The following CUBN variants were observed in gnomAD, a reference collection of about 807,000 sequenced individuals.
CUBN encodes the protein 460 kDa receptor.
Under a neutral mutation model 405.3 loss-of-function variants are expected in CUBN, and 282 were observed. The ratio of observed to expected loss-of-function variants is 0.70; its 90% confidence interval spans 0.63 to 0.77. The LOEUF is 0.77. CUBN is among the 30% of genes least tolerant of loss of function. The probability of loss-of-function intolerance (pLI) is 0.00; values close to 1 mark genes in which losing one functional copy is unlikely to be tolerated. For synonymous variants in CUBN, 1,684 were observed against 1,617.0 expected (o/e 1.04, Z -0.99); for missense variants, 4,514 against 4,475.2 (o/e 1.01, Z -0.25).
At chr10:16,843,987 C>G (rs1476164007) in intron 60 of CUBN, among the ~76,000 whole-genome samples, 1 of 152,054 alleles carries the variant, frequency 6.6e-6, no homozygotes, top group African/African-American at 2.4e-5. Context: ...CCTTCCAGAC[C>G]TGCGGGGCGT....
chr10:17,075,162 C>T (rs531826243), intron 17 of CUBN, among the ~76,000 whole-genome samples: 2 of 139,482 alleles, frequency 1.4e-5, no homozygotes, highest in East Asian at 2.1e-4. Context: ...CGGATCACTG[C>T]AACCTCCGCC....
intron 25 of CUBN, among the ~76,000 whole-genome samples, chr10:17,044,220 AT>A (rs1835074451): frequency 6.8e-6 from 1 of 146,742 alleles, no homozygotes; most frequent in Admixed American, 6.8e-5. Context: ...ATATGTTTAT[AT>A]TTGCATTAAA....
chr10:17,007,619 C>G (rs12266009), intron 28 of CUBN, among the ~76,000 whole-genome samples: 2,298 of 151,830 alleles, frequency 0.015, 53 homozygotes, highest in African/African-American at 0.053. Context: ...AGAAAAGAGT[C>G]CAGTGGGGAG....
chr10:17,089,516 C>T (rs1836205043), intron 14 of CUBN, among the ~76,000 whole-genome samples: 1 of 152,140 alleles, frequency 6.6e-6, no homozygotes, highest in Non-Finnish European at 1.5e-5. Context: ...TCACTCATCA[C>T]AAAGAAGGAG....
chr10:16,909,733 C>T (rs1421379946), intron 48 of CUBN, among the ~76,000 whole-genome samples: 2 of 152,246 alleles, frequency 1.3e-5, no homozygotes, highest in South Asian at 2.1e-4. Flanking sequence ...ATGCAATTCC[C>T]ATCATTGTCC....
At position 17,065,668 on chromosome 10, in the gene CUBN, T is replaced by C. The variant is rs1835599060; in HGVS notation, c.3009-30A>G. The C allele has an allele frequency of 2.5e-6, 4 of 1,612,286 alleles. 1 individual carries two copies. In the African/African-American group the frequency reaches 4.0e-5, roughly 16 times the overall value. On this transcript the variant is annotated intron_variant, in intron 21 of 66. Coordinates refer to ENST00000377833, the MANE Select transcript of CUBN (RefSeq NM_001081.4). ...TCCAAACCAAGAAAGGACAGATGTG[T>C]GTATTTTAGTTTGGTATACTGAAAA...
intron 59 of CUBN, among the ~76,000 whole-genome samples, chr10:16,858,032 C>A (rs770284401): frequency 1.9e-4 from 28 of 151,342 alleles, no homozygotes; most frequent in Non-Finnish European, 3.4e-4. Context: ...CATGTGGAGA[C>A]CAAAATTAAA....
intron 58 of CUBN, among the ~76,000 whole-genome samples, chr10:16,873,162 A>C (rs1158693201): frequency 6.6e-6 from 1 of 152,166 alleles, no homozygotes; most frequent in Non-Finnish European, 1.5e-5. Flanking sequence ...TTCTGTATGG[A>C]AAGTCCTACA....
rs141473486 is a variant in CUBN, at chr10:16,973,592, G to A, written c.4695+8892C>T. Among the ~76,000 whole-genome samples, 347 of 146,590 alleles carry A rather than the reference G, an allele frequency of 2.4e-3. 3 individuals carry two copies. The highest frequency in any genetic ancestry group is 7.9e-3 in the African/African-American group (318 of 40,110). Reference sequence around the variant, plus strand: ...GTGTACAGTCTATTTTGTCACCCAGGTAATGAGCAAAGAACGTGATGGGTG... The same window carrying A: ...GTGTACAGTCTATTTTGTCACCCAGATAATGAGCAAAGAACGTGATGGGTG... On this transcript the variant is annotated intron_variant, in intron 31 of 66. Transcript: ENST00000377833.
At chr10:17,076,702 A>G (rs1285632835) in intron 17 of CUBN, among the ~76,000 whole-genome samples, 1 of 152,156 alleles carries the variant, frequency 6.6e-6, no homozygotes, top group Non-Finnish European at 1.5e-5. Flanking sequence ...AGTGTGAGCA[A>G]AAGTGATACA....
intron 33 of CUBN, among the ~76,000 whole-genome samples, chr10:16,950,925 C>A (rs979371420): frequency 2.0e-5 from 3 of 152,188 alleles, no homozygotes; most frequent in African/African-American, 7.2e-5. Context: ...CTGGAGCCCA[C>A]ATTTTAGCTC....
intron 59 of CUBN, among the ~76,000 whole-genome samples, chr10:16,854,038 G>A (rs1264622630): frequency 1.3e-5 from 2 of 152,212 alleles, no homozygotes; most frequent in Non-Finnish European, 2.9e-5. Context: ...TTCAGTAAAA[G>A]AGGCAGAAAC....
chr10:17,103,570 T>C (rs1016087165), intron 12 of CUBN, among the ~76,000 whole-genome samples: 1 of 152,204 alleles, frequency 6.6e-6, no homozygotes, highest in African/African-American at 2.4e-5. Context: ...TGTTCTCCCA[T>C]TGGGGTTGGT....
intron 31 of CUBN, among the ~76,000 whole-genome samples, chr10:16,968,685 G>A (rs1272972055): frequency 2.0e-5 from 3 of 152,248 alleles, no homozygotes; most frequent in Non-Finnish European, 4.4e-5. Flanking sequence ...AGAGCTTGCA[G>A]AGCTACATGA....
intron 50 of CUBN, among the ~76,000 whole-genome samples, chr10:16,905,504 C>T (rs1435859718): frequency 1.3e-5 from 2 of 152,146 alleles, no homozygotes; most frequent in Non-Finnish European, 2.9e-5. Context: ...AGGAGAATTT[C>T]ACAGCCCCTT....
At chr10:17,013,144 G>GT in intron 28 of CUBN, among the ~76,000 whole-genome samples, 1 of 152,104 alleles carries the variant, frequency 6.6e-6, no homozygotes, top group Non-Finnish European at 1.5e-5. Context: ...AGGGTACACT[G>GT]TTTTTTCTTT....
chr10:16,825,628 A>AGTGTGTGTGTGTGTGTGT (rs377156071), intron 66 of CUBN, among the ~76,000 whole-genome samples: 21 of 136,010 alleles, frequency 1.5e-4, no homozygotes, highest in African/African-American at 5.0e-4. Context: ...TCTGTGGAAC[A>AGTGTGTGTGTGTGTGTGT]GTGTGTGTGT....
chr10:16,907,426 G>T, intron 49 of CUBN, 82 bp downstream of exon 49: 1 of 1,376,124 alleles, frequency 7.3e-7, no homozygotes, highest in Non-Finnish European at 1.0e-6. Context: ...AAAATGGATG[G>T]CTCTGCTGCC....
chr10:17,128,574 G>T (rs1190206767), intron 2 of CUBN, among the ~76,000 whole-genome samples: 3 of 152,302 alleles, frequency 2.0e-5, no homozygotes, highest in Admixed American at 2.0e-4. Context: ...CCCCTGTGGA[G>T]GAGTTTCAGT....
Sources: allele counts gnomAD v4.1 joint callset (sites outside exome capture counted in the v4.1 genomes callset), GRCh38; gene constraint gnomAD v4.1.1; transcripts MANE v1.5; gene names NCBI Gene and HGNC (gene_info 2026-07-23, HGNC 2026-07-21).